Variants in PPFIA1 observed in about 807,000 individuals in gnomAD.
PPFIA1 encodes PPFI scaffold protein A1.
A neutral mutation model predicts 149.9 loss-of-function variants in PPFIA1; 25 were observed. The observed-to-expected ratio is 0.17, with a 90% CI of 0.12 to 0.23. The LOEUF (loss-of-function observed/expected upper bound fraction) is 0.23, where lower values mean the gene tolerates loss of function less well. Ranked by LOEUF, PPFIA1 falls within the 10% of genes least tolerant of loss-of-function variation. The pLI, the probability that PPFIA1 is intolerant of heterozygous loss-of-function variation, is 1.00. For synonymous variants in PPFIA1, 549 were observed against 552.8 expected, an observed-to-expected ratio of 0.99 and a Z score of 0.10; for missense variants, 1,362 against 1,506.5, an observed-to-expected ratio of 0.90 and a Z score of 1.59.
At chr11:70,326,938 A>AT in intron 7 of PPFIA1, 120 bp downstream of exon 7, 2 of 820,204 alleles carry the variant, frequency 2.4e-6, no homozygotes, top group Non-Finnish European at 3.8e-6. Flanking sequence ...CCTTTGGATT[A>AT]TTGTATAAGT....
intron 8 of PPFIA1, among the ~76,000 whole-genome samples, chr11:70,331,225 A>G (rs2054636986): frequency 6.7e-6 from 1 of 148,716 alleles, no homozygotes; most frequent in African/African-American, 2.5e-5. Flanking sequence ...ACACAGCTAG[A>G]CTCCGTCTCA....
intron 21 of PPFIA1, chr11:70,371,368 GTAGAGTGTTCTATATTCTGTTGTT>G: frequency 6.3e-6 from 1 of 159,228 alleles, no homozygotes; most frequent in Non-Finnish European, 1.4e-5. Flanking sequence ...CTGTTGTTGG[GTAGAGTGTTCTATATTCTGTTGTT>G]TGGTGGATTG....
chr11:70,319,399 G>A (rs627079), intron 2 of PPFIA1, among the ~76,000 whole-genome samples: 2 of 152,092 alleles, frequency 1.3e-5, no homozygotes, highest in Non-Finnish European at 2.9e-5. Context: ...CTTTGAAAAC[G>A]GGTGAAGGGC....
At chr11:70,324,740 AGG>A (rs1269060398) in intron 3 of PPFIA1, 105 bp from the exon 4 acceptor site, 4 of 1,123,110 alleles carry the variant, frequency 3.6e-6, no homozygotes, top group Non-Finnish European at 5.1e-6. Flanking sequence ...GCGGAATTGA[AGG>A]GACTTCATTT....
chr11:70,327,131 G>A (rs1156741405), intron 7 of PPFIA1: 1 of 278,174 alleles, frequency 3.6e-6, no homozygotes, highest in Admixed American at 5.0e-5. Context: ...TAATGTCCTT[G>A]TTTGTAGATT....
Position 70,383,476 on chromosome 11 carries a change from A to G in PPFIA1, c.*486A>G, listed in dbSNP as rs2057781767. 6.1e-6 allele frequency: 1 copy of G among 163,826 alleles called. No homozygotes were observed. The highest frequency in any genetic ancestry group is 2.4e-5 in the African/African-American group (1 of 41,526). The allele number at this position is 163,826 out of a possible 1,614,324, so 10.1% of individuals were successfully genotyped here. ...CATGTGCATTATCCTTTACGGACGC[A>G]GCCTAGCTCTACAGCAATCATCCTG... On this transcript the variant is annotated 3_prime_UTR_variant, in exon 28 of 28. Transcript: ENST00000253925.
intron 2 of PPFIA1, among the ~76,000 whole-genome samples, chr11:70,297,254 A>G (rs1470218060): frequency 6.6e-6 from 1 of 152,014 alleles, no homozygotes; most frequent in Non-Finnish European, 1.5e-5. Context: ...ACAAAAAATC[A>G]AAAAGTTATT....
intron 15 of PPFIA1, among the ~76,000 whole-genome samples, chr11:70,347,137 A>G (rs566741727): frequency 6.6e-6 from 1 of 152,326 alleles, no homozygotes; most frequent in South Asian, 2.1e-4. Flanking sequence ...TGTTTTGTGC[A>G]TCTGTTCTTT....
At chr11:70,297,940 T>C (rs1591106649) in intron 2 of PPFIA1, among the ~76,000 whole-genome samples, 1 of 152,206 alleles carries the variant, frequency 6.6e-6, no homozygotes, top group Non-Finnish European at 1.5e-5. Context: ...GGCAACAGCA[T>C]GATAAAACCC....
chr11:70,346,194 CA>C (rs1344192216), intron 15 of PPFIA1, among the ~76,000 whole-genome samples: 1 of 152,134 alleles, frequency 6.6e-6, no homozygotes. Flanking sequence ...GCAGTGTGAC[CA>C]GGGGGTGCCT....
rs576639507 is a variant in PPFIA1 at position 70,338,759 on chromosome 11, C to T, written c.1571+306C>T. 2.6e-5 allele frequency among the ~76,000 whole-genome samples: 4 copies of T among 152,354 alleles called. No individual in the cohort carries two copies. In the East Asian group the frequency reaches 7.7e-4, roughly 29 times the overall value. ...GAATGACAGATCCCAAGATCTCACA[C>T]CACAGATGCTGGCACGGGTGGGACA... On this transcript the variant is annotated intron_variant, in intron 13 of 27. Coordinates refer to ENST00000253925, the MANE Select transcript of PPFIA1 (RefSeq NM_003626.5).
chr11:70,383,237 T>TA lies in PPFIA1; in HGVS notation c.*248dup. On this transcript the variant is annotated 3_prime_UTR_variant, in exon 28 of 28. Transcript: ENST00000253925. ...ATGACTCTTCATTTATATAGTTACT[T>TA]ACTTTTTCATGTATATCCAGGCTAT... 1 of 292,978 alleles carries TA rather than the reference T, an allele frequency of 3.4e-6. No homozygotes were observed. The highest frequency in any genetic ancestry group is 3.0e-5 in the South Asian group (1 of 33,452). The allele number at this position is 292,978 out of a possible 1,614,324, so 18.1% of individuals were successfully genotyped here. A position where few individuals can be genotyped will look rare whatever the true frequency, so the allele number is the denominator to read the frequency against.
At chr11:70,279,552 G>A (rs934894226) in intron 2 of PPFIA1, among the ~76,000 whole-genome samples, 2 of 151,052 alleles carry the variant, frequency 1.3e-5, no homozygotes, top group Non-Finnish European at 2.9e-5. Context: ...CACTCAGAGG[G>A]CCTCCATTTT....
At chr11:70,336,252 C>G (rs1276935843) in intron 11 of PPFIA1, among the ~76,000 whole-genome samples, 2 of 152,128 alleles carry the variant, frequency 1.3e-5, no homozygotes, top group African/African-American at 4.8e-5. Flanking sequence ...TCTGTAATCC[C>G]AGCACTTTGG....
intron 1 of PPFIA1, 101 bp from the exon 2 acceptor site, chr11:70,272,072 A>C: frequency 7.8e-7 from 1 of 1,287,922 alleles, no homozygotes; most frequent in East Asian, 2.3e-5. Context: ...GAGCATAATG[A>C]GACTGCCCAT....
At chr11:70,302,021 A>G (rs2052518614) in intron 2 of PPFIA1, among the ~76,000 whole-genome samples, 1 of 152,248 alleles carries the variant, frequency 6.6e-6, no homozygotes, top group African/African-American at 2.4e-5. Context: ...GCTGGGAAGC[A>G]TGGAGTCTAA....
intron 13 of PPFIA1, 45 bp from the exon 14 acceptor site, chr11:70,339,126 T>C (rs2137052320): frequency 6.2e-7 from 1 of 1,606,618 alleles, no homozygotes; most frequent in South Asian, 1.1e-5. Flanking sequence ...GAGAGTTTAT[T>C]TTCTTTTCTT....
At chr11:70,317,587 T>A (rs2053710137) in intron 2 of PPFIA1, among the ~76,000 whole-genome samples, 1 of 152,212 alleles carries the variant, frequency 6.6e-6, no homozygotes, top group Non-Finnish European at 1.5e-5. Flanking sequence ...AAATCTAAAA[T>A]CTGGAAGTTG....
chr11:70,320,649 C>G (rs536433812), intron 2 of PPFIA1, among the ~76,000 whole-genome samples: 9 of 152,014 alleles, frequency 5.9e-5, no homozygotes, highest in Non-Finnish European at 1.2e-4. Flanking sequence ...GTTGCCCAAG[C>G]TGGTCTTGAA....
Sources: allele counts gnomAD v4.1 joint callset (sites outside exome capture counted in the v4.1 genomes callset), GRCh38; gene constraint gnomAD v4.1.1; transcripts MANE v1.5; gene names NCBI Gene and HGNC (gene_info 2026-07-23, HGNC 2026-07-21).